Variants in PHF24 observed in about 807,000 individuals in gnomAD.
PHF24 encodes Galpha inhibitory interacting protein.
PHF24 carries 25 observed loss-of-function variants against 42.6 expected under a neutral mutation model. That is an observed-to-expected ratio of 0.59 (90% CI 0.43 to 0.82). PHF24 has a LOEUF of 0.82. PHF24 is among the 40% of genes least tolerant of loss of function. The pLI, the probability that PHF24 is intolerant of heterozygous loss-of-function variation, is 0.00. For synonymous variants in PHF24, 185 were observed against 204.8 expected (o/e 0.90, Z 0.83); for missense variants, 470 against 538.1 (o/e 0.87, Z 1.25).
the PHF24 span, among the ~76,000 whole-genome samples, chr9:34,683,431 A>G: frequency 2.6e-5 from 4 of 152,246 alleles, no homozygotes; most frequent in Admixed American, 2.6e-4. Context: ...TTGGAGATCC[A>G]TGATGGAATG....
chr9:34,678,981 C>T, the PHF24 span, among the ~76,000 whole-genome samples: 6 of 152,172 alleles, frequency 3.9e-5, no homozygotes, highest in Non-Finnish European at 8.8e-5. Context: ...TTTAAACTAA[C>T]ACCTGTCTGG....
At chr9:34,946,598 A>C in the PHF24 span, among the ~76,000 whole-genome samples, 4 of 152,222 alleles carry the variant, frequency 2.6e-5, no homozygotes, top group African/African-American at 9.6e-5. Context: ...CAATATGTGA[A>C]AGTACTTTAC....
At chr9:34,698,943 G>C in the PHF24 span, among the ~76,000 whole-genome samples, 2 of 152,228 alleles carry the variant, frequency 1.3e-5, no homozygotes, top group African/African-American at 4.8e-5. Flanking sequence ...TAGTGTAGTG[G>C]AGTAAGGCCA....
At chr9:34,897,912 A>T in the PHF24 span, among the ~76,000 whole-genome samples, 2 of 152,226 alleles carry the variant, frequency 1.3e-5, no homozygotes, top group Non-Finnish European at 1.5e-5. Flanking sequence ...CGTATCAGTG[A>T]GAACATATGA....
At chr9:34,739,688 A>G in the PHF24 span, among the ~76,000 whole-genome samples, 2 of 152,166 alleles carry the variant, frequency 1.3e-5, no homozygotes, top group East Asian at 3.9e-4. Flanking sequence ...CAGCTCATAA[A>G]GGCAGTGTGC....
chr9:34,674,889 C>T, the PHF24 span, among the ~76,000 whole-genome samples: 1 of 152,100 alleles, frequency 6.6e-6, no homozygotes, highest in Non-Finnish European at 1.5e-5. Flanking sequence ...TTTTTTGAGA[C>T]AGGGTCTCGC....
At chr9:34,864,723 A>G in the PHF24 span, among the ~76,000 whole-genome samples, 1 of 152,242 alleles carries the variant, frequency 6.6e-6, no homozygotes, top group African/African-American at 2.4e-5. Flanking sequence ...CTCACCAGTA[A>G]TAGTAAGTAC....
At chr9:34,936,371 C>T in the PHF24 span, among the ~76,000 whole-genome samples, 34 of 152,366 alleles carry the variant, frequency 2.2e-4, no homozygotes, top group Middle Eastern at 3.4e-3. Context: ...TCACTCAGTG[C>T]TCAATGGTGC....
At chr9:34,845,588 T>A in the PHF24 span, among the ~76,000 whole-genome samples, 4 of 152,128 alleles carry the variant, frequency 2.6e-5, no homozygotes, top group Admixed American at 6.5e-5. Context: ...AACTTTTTTT[T>A]AAATTTTATT....
At chr9:34,957,856 G>T (rs1826417189), upstream of PHF24, among the ~76,000 whole-genome samples, 2 of 150,436 alleles carry the variant, frequency 1.3e-5, no homozygotes, top group South Asian at 4.3e-4. Flanking sequence ...CGCGGAACGC[G>T]AGCGGTGAGC....
chr9:34,965,299 T>C (rs1421676002), intron 1 of PHF24, among the ~76,000 whole-genome samples: 1 of 152,272 alleles, frequency 6.6e-6, no homozygotes, highest in East Asian at 1.9e-4. Context: ...CTTTTAAAGC[T>C]GAATTCTGTT....
At chr9:34,794,084 G>T in the PHF24 span, among the ~76,000 whole-genome samples, 3 of 151,988 alleles carry the variant, frequency 2.0e-5, no homozygotes, top group African/African-American at 4.8e-5. Flanking sequence ...CCTCCAAGTT[G>T]TTTATATACT....
chr9:34,850,988 T>A, the PHF24 span, among the ~76,000 whole-genome samples: 1 of 152,284 alleles, frequency 6.6e-6, no homozygotes, highest in East Asian at 1.9e-4. Context: ...CCCGGCCATG[T>A]GAGGTGTCAG....
At chr9:34,932,778 A>C in the PHF24 span, among the ~76,000 whole-genome samples, 1 of 151,544 alleles carries the variant, frequency 6.6e-6, no homozygotes, top group Non-Finnish European at 1.5e-5. Context: ...TAGTTTATAA[A>C]TATATTTTAC....
upstream of PHF24, among the ~76,000 whole-genome samples, chr9:34,955,922 A>T (rs1380546583): frequency 6.6e-6 from 1 of 152,202 alleles, no homozygotes; most frequent in African/African-American, 2.4e-5. Context: ...TCTCCTCAAC[A>T]TGAGAAAAAC....
At chr9:34,783,252 T>C in the PHF24 span, among the ~76,000 whole-genome samples, 1 of 152,182 alleles carries the variant, frequency 6.6e-6, no homozygotes, top group Admixed American at 6.5e-5. Flanking sequence ...GGAAGCAAGT[T>C]ACACTGCGCC....
the PHF24 span, among the ~76,000 whole-genome samples, chr9:34,938,211 C>A: frequency 2.0e-5 from 3 of 152,208 alleles, no homozygotes; most frequent in African/African-American, 7.2e-5. Flanking sequence ...TAAAACAGAA[C>A]TTTCAAGGTT....
the PHF24 span, among the ~76,000 whole-genome samples, chr9:34,951,458 G>A: frequency 6.6e-6 from 1 of 152,188 alleles, no homozygotes; most frequent in African/African-American, 2.4e-5. Context: ...AGAACAAGAT[G>A]TAACAATAGA....
chr9:34,846,062 G>A, the PHF24 span, among the ~76,000 whole-genome samples: 4 of 152,130 alleles, frequency 2.6e-5, no homozygotes, highest in South Asian at 8.3e-4. Context: ...ATAAACATAC[G>A]TGTGCATGTG....
Sources: allele counts gnomAD v4.1 joint callset (sites outside exome capture counted in the v4.1 genomes callset), GRCh38; gene constraint gnomAD v4.1.1; transcripts MANE v1.5; gene names NCBI Gene and HGNC (gene_info 2026-07-23, HGNC 2026-07-21).